The following RNF125 variants were observed in gnomAD, a reference collection of about 807,000 sequenced individuals.
The protein encoded by RNF125 is ring finger protein 125.
RNF125 carries 21 observed loss-of-function variants against 26.0 expected under a neutral mutation model. The observed-to-expected ratio is 0.81, with a 90% confidence interval of 0.57 to 1.16. The LOEUF (loss-of-function observed/expected upper bound fraction) is 1.16. RNF125 is among the 50% of genes most tolerant of loss of function. The pLI, the probability that RNF125 is intolerant of heterozygous loss-of-function variation, is 0.00. For synonymous variants in RNF125, 95 were observed against 109.2 expected, an observed-to-expected ratio of 0.87 and a Z score of 0.81; for missense variants, 270 against 299.4, an observed-to-expected ratio of 0.90 and a Z score of 0.72.
chr18:32,066,352 G>A (rs557751599), intron 5 of RNF125, among the ~76,000 whole-genome samples: 3 of 151,938 alleles, frequency 2.0e-5, no homozygotes, highest in Admixed American at 6.6e-5. Flanking sequence ...CCAGCTACTC[G>A]GTAGGCTGAG....
chr18:32,025,072 A>G (rs910282927), intron 1 of RNF125, among the ~76,000 whole-genome samples: 6 of 152,180 alleles, frequency 3.9e-5, no homozygotes, highest in Non-Finnish European at 8.8e-5. Flanking sequence ...TCAAAAAAAC[A>G]AAAACAAACA....
At chr18:32,089,889 T>A in the RNF125 span, among the ~76,000 whole-genome samples, 1 of 152,212 alleles carries the variant, frequency 6.6e-6, no homozygotes, top group Admixed American at 6.5e-5. Flanking sequence ...AACACTATTA[T>A]ACAGAAAATA....
intron 1 of RNF125, among the ~76,000 whole-genome samples, chr18:32,030,285 C>T (rs539498646): frequency 2.0e-5 from 3 of 152,206 alleles, no homozygotes; most frequent in South Asian, 2.1e-4. Flanking sequence ...TCAGGTGATC[C>T]GCCCGCCTCT....
chr18:32,066,097 G>T, intron 5 of RNF125, 88 bp downstream of exon 5: 1 of 788,986 alleles, frequency 1.3e-6, no homozygotes. Context: ...AATTATAGAG[G>T]AAAAAATGTG....
At chr18:32,025,435 G>C (rs977701769) in intron 1 of RNF125, among the ~76,000 whole-genome samples, 1 of 151,496 alleles carries the variant, frequency 6.6e-6, no homozygotes, top group African/African-American at 2.4e-5. Context: ...AGGCTGAGGT[G>C]GGGGGATCAC....
At chr18:32,035,557 C>A (rs1450134857) in intron 1 of RNF125, among the ~76,000 whole-genome samples, 1 of 152,068 alleles carries the variant, frequency 6.6e-6, no homozygotes, top group Non-Finnish European at 1.5e-5. Flanking sequence ...TGTATTCATA[C>A]AATAGACTTC....
intron 1 of RNF125, among the ~76,000 whole-genome samples, chr18:32,035,349 C>T (rs1345179414): frequency 9.2e-5 from 14 of 151,556 alleles, no homozygotes; most frequent in Non-Finnish European, 2.1e-4. Context: ...TGATCCAAGC[C>T]AAATTCAAAC....
intron 4 of RNF125, among the ~76,000 whole-genome samples, chr18:32,051,833 G>A (rs2039331652): frequency 6.6e-6 from 1 of 151,438 alleles, no homozygotes; most frequent in Non-Finnish European, 1.5e-5. Context: ...GGGATTACAG[G>A]CATGCACCAC....
rs1414729561 is a variant in RNF125 at position 32,056,883 on chromosome 18, A to G, written c.505-9019A>G. 2.6e-5 allele frequency among the ~76,000 whole-genome samples: 4 copies of G among 152,176 alleles called. No individual in the cohort carries two copies. In the East Asian group the frequency reaches 7.7e-4, roughly 29 times the overall value. On this transcript the variant is annotated intron_variant, in intron 4 of 5. Transcript: ENST00000217740. ...CCTTACCTCTCTTCCTCAAGCTTAT[A>G]CATAATAGACATACAGCAGCATTTC...
intron 1 of RNF125, among the ~76,000 whole-genome samples, chr18:32,025,518 A>G (rs939194676): frequency 1.3e-5 from 2 of 151,978 alleles, no homozygotes; most frequent in African/African-American, 2.4e-5. Context: ...CAAGAAAATT[A>G]GCCAGGGGTG....
chr18:32,064,237 C>T (rs1440434838), intron 4 of RNF125, among the ~76,000 whole-genome samples: 1 of 151,736 alleles, frequency 6.6e-6, no homozygotes, highest in African/African-American at 2.4e-5. Context: ...TCAAGTGATC[C>T]ACCTCCCAAA....
chr18:32,069,850 T>C lies in RNF125; in HGVS notation c.*1466T>C, dbSNP rs955877484. ...ATCCTAGGACCTATAGAGTTTCCCA[T>C]ACTTTGTATTTTGCTGATTGCACAC... On this transcript the variant is annotated 3_prime_UTR_variant, in exon 6 of 6. Coordinates refer to ENST00000217740, the MANE Select transcript of RNF125 (RefSeq NM_017831.4). 6.6e-6 allele frequency: 1 copy of C among 152,204 alleles called. No homozygotes were observed. Among genetic ancestry groups the C allele is most frequent in the African/African-American group, 2.4e-5 (1 of 41,444 alleles). 9.4% of individuals were successfully genotyped at this position (152,204 alleles called of 1,614,324 possible). A position where few individuals can be genotyped will look rare whatever the true frequency, so the allele number is the denominator to read the frequency against.
At chr18:32,028,735 G>T (rs1421496680) in intron 1 of RNF125, among the ~76,000 whole-genome samples, 2 of 151,746 alleles carry the variant, frequency 1.3e-5, no homozygotes, top group Non-Finnish European at 2.9e-5. Context: ...GTATTTTTTA[G>T]TAGAGATGGG....
chr18:32,051,322 G>A (rs2144493754), intron 4 of RNF125, among the ~76,000 whole-genome samples: 1 of 152,056 alleles, frequency 6.6e-6, no homozygotes, highest in East Asian at 1.9e-4. Context: ...AAAAAAGATA[G>A]TAAAGAAAGA....
intron 5 of RNF125, among the ~76,000 whole-genome samples, chr18:32,066,889 G>T (rs1357984533): frequency 6.6e-6 from 1 of 152,162 alleles, no homozygotes; most frequent in African/African-American, 2.4e-5. Context: ...CATGTCTTTT[G>T]TGGCCCATAT....
chr18:32,037,448 T>A (rs954073456), intron 2 of RNF125, among the ~76,000 whole-genome samples, 179 bp downstream of exon 2: 12 of 146,246 alleles, frequency 8.2e-5, no homozygotes, highest in Non-Finnish European at 1.3e-4. Flanking sequence ...CTCGGCTTAC[T>A]GCAACCTCCG....
At chr18:32,082,323 C>A in the RNF125 span, among the ~76,000 whole-genome samples, 2 of 151,858 alleles carry the variant, frequency 1.3e-5, no homozygotes, top group Non-Finnish European at 2.9e-5. Context: ...TATACACACA[C>A]AAACACACAC....
chr18:32,078,905 A>T, the RNF125 span, among the ~76,000 whole-genome samples: 2 of 152,056 alleles, frequency 1.3e-5, no homozygotes, highest in Admixed American at 6.6e-5. Flanking sequence ...AAATTTCATT[A>T]TTTTTCTGAA....
intron 4 of RNF125, among the ~76,000 whole-genome samples, chr18:32,050,639 A>G (rs1182920325): frequency 6.6e-6 from 1 of 151,742 alleles, no homozygotes; most frequent in Non-Finnish European, 1.5e-5. Flanking sequence ...AAGCTCGGTT[A>G]TTTATTTTTT....
Sources: allele counts gnomAD v4.1 joint callset (sites outside exome capture counted in the v4.1 genomes callset), GRCh38; gene constraint gnomAD v4.1.1; transcripts MANE v1.5; gene names NCBI Gene and HGNC (gene_info 2026-07-23, HGNC 2026-07-21).